Variants in RYR3 observed in about 807,000 individuals in gnomAD.
RYR3 encodes the protein ryanodine receptor 3.
In RYR3, 207 loss-of-function variants were observed where a neutral mutation model predicts 584.3. That is an observed-to-expected ratio of 0.35 (90% CI 0.32 to 0.40). The LOEUF (loss-of-function observed/expected upper bound fraction) is 0.40. Ranked by LOEUF, RYR3 falls within the 10% of genes least tolerant of loss-of-function variation. The pLI, the probability that RYR3 is intolerant of heterozygous loss-of-function variation, is 1.00. For synonymous variants in RYR3, 2,416 were observed against 2,248.5 expected, an observed-to-expected ratio of 1.07 and a Z score of -2.11; for missense variants, 5,616 against 6,089.2, an observed-to-expected ratio of 0.92 and a Z score of 2.59.
chr15:33,860,496 C>CTTT, intron 100 of RYR3, 99 bp from the exon 101 acceptor site: 13 of 554,170 alleles, frequency 2.3e-5, no homozygotes, highest in East Asian at 3.6e-5. Context: ...TGATAATTCA[C>CTTT]TTTTTTTTTT....
intron 1 of RYR3, among the ~76,000 whole-genome samples, chr15:33,354,948 C>A (rs766173827): frequency 6.6e-6 from 1 of 152,124 alleles, no homozygotes; most frequent in Non-Finnish European, 1.5e-5. Flanking sequence ...CTTTGGGAGG[C>A]CGAGGCGGGC....
At chr15:33,660,582 T>C (rs1002633427) in intron 34 of RYR3, among the ~76,000 whole-genome samples, 159 bp downstream of exon 34, 2 of 152,228 alleles carry the variant, frequency 1.3e-5, no homozygotes, top group Non-Finnish European at 2.9e-5. Flanking sequence ...CTTCCCACTT[T>C]CATTACTCAG....
At chr15:33,730,759 C>G (rs10519865) in intron 47 of RYR3, among the ~76,000 whole-genome samples, 19,073 of 152,128 alleles carry the variant, frequency 0.13, 1,313 homozygotes, top group East Asian at 0.29. Context: ...TCCTTGTATT[C>G]CATTCATCCG....
chr15:33,312,894 G>A (rs1010336286), intron 1 of RYR3, among the ~76,000 whole-genome samples: 1 of 152,180 alleles, frequency 6.6e-6, no homozygotes, highest in Admixed American at 6.5e-5. Flanking sequence ...TACACCTGTA[G>A]CCAAGGTTTA....
At chr15:33,465,796 G>A (rs1428231697) in intron 1 of RYR3, 1 of 518,864 alleles carries the variant, frequency 1.9e-6, no homozygotes, top group Non-Finnish European at 3.8e-6. Flanking sequence ...TATTTAGAAA[G>A]TAGAATGAGA....
In RYR3 at chr15:33,488,057, C is replaced by T. The variant is rs193290515; in HGVS notation, c.171+14519C>T. ...CCCATAGTAGAAAAGAAAAAAACAT[C>T]CACCTTTTAACTCTGAGATCTCTCC... On this transcript the variant is annotated intron_variant, in intron 2 of 103. Coordinates refer to ENST00000634891, the MANE Select transcript of RYR3 (RefSeq NM_001036.6). 3.3e-5 allele frequency among the ~76,000 whole-genome samples: 5 copies of T among 152,274 alleles called. No individual in the cohort carries two copies. The East Asian group carries it at 9.6e-4, about 29-fold the overall frequency.
chr15:33,853,168 T>C (rs544977995), intron 95 of RYR3, 81 bp downstream of exon 95: 109 of 1,150,996 alleles, frequency 9.5e-5, no homozygotes, highest in Middle Eastern at 4.1e-4. Context: ...CATACAAACA[T>C]GAGTAAATGT....
chr15:33,771,661 G>A (rs73381181), intron 62 of RYR3, among the ~76,000 whole-genome samples: 4,296 of 152,260 alleles, frequency 0.028, 211 homozygotes, highest in African/African-American at 0.097. Flanking sequence ...ACCAATATTG[G>A]CTTCATTCTA....
intron 27 of RYR3, among the ~76,000 whole-genome samples, chr15:33,636,840 C>T (rs971375372): frequency 5.9e-5 from 9 of 152,162 alleles, no homozygotes; most frequent in Admixed American, 4.6e-4. Flanking sequence ...CCAGGTTTCC[C>T]AGTATTACAA....
At chr15:33,757,342 G>A in intron 59 of RYR3, 133 bp from the exon 60 acceptor site, 1 of 949,044 alleles carries the variant, frequency 1.1e-6, no homozygotes, top group Non-Finnish European at 1.6e-6. Flanking sequence ...GGGACCAAAG[G>A]GGTAGAATTT....
At chr15:33,532,275 A>G (rs2054945696) in intron 4 of RYR3, among the ~76,000 whole-genome samples, 1 of 152,204 alleles carries the variant, frequency 6.6e-6, no homozygotes, top group African/African-American at 2.4e-5. Context: ...AGTCATTTCT[A>G]AGTTTTACCT....
chr15:33,676,131 G>A (rs183645796), intron 38 of RYR3, among the ~76,000 whole-genome samples: 1 of 152,116 alleles, frequency 6.6e-6, no homozygotes, highest in Non-Finnish European at 1.5e-5. Context: ...TCTCAAGAGT[G>A]AGAGAGATTG....
At chr15:33,826,642 C>G (rs757987771) in intron 83 of RYR3, 30 bp from the exon 84 acceptor site, 1 of 1,565,458 alleles carries the variant, frequency 6.4e-7, no homozygotes, top group Admixed American at 1.7e-5. Context: ...GAAGCCAAAC[C>G]AATGCTCATC....
chr15:33,494,360 C>T (rs976001418), intron 2 of RYR3, among the ~76,000 whole-genome samples: 4 of 152,120 alleles, frequency 2.6e-5, no homozygotes, highest in African/African-American at 4.8e-5. Context: ...CAACATTTTC[C>T]TTCTTAATAT....
At chr15:33,389,241 T>C (rs2041837421) in intron 1 of RYR3, among the ~76,000 whole-genome samples, 1 of 152,004 alleles carries the variant, frequency 6.6e-6, no homozygotes, top group Non-Finnish European at 1.5e-5. Flanking sequence ...AAAAAATTCA[T>C]CATAGATGGA....
intron 66 of RYR3, among the ~76,000 whole-genome samples, chr15:33,787,300 C>T (rs896074335): frequency 2.6e-5 from 4 of 152,206 alleles, no homozygotes; most frequent in African/African-American, 9.6e-5. Context: ...GTCACAACTT[C>T]TTGGTGAATG....
chr15:33,359,187 A>G (rs1041553935), intron 1 of RYR3, among the ~76,000 whole-genome samples: 1 of 152,212 alleles, frequency 6.6e-6, no homozygotes, highest in Non-Finnish European at 1.5e-5. Flanking sequence ...CACAGCAACC[A>G]ACATGATACT....
chr15:33,760,148 G>A (rs1294710714), intron 60 of RYR3, among the ~76,000 whole-genome samples: 1 of 152,124 alleles, frequency 6.6e-6, no homozygotes, highest in Non-Finnish European at 1.5e-5. Context: ...AGTAAATATG[G>A]AAAGGAAAAA....
chr15:33,581,480 T>C, intron 13 of RYR3, 28 bp from the exon 14 acceptor site: 1 of 1,610,242 alleles, frequency 6.2e-7, no homozygotes, highest in Non-Finnish European at 8.5e-7. Flanking sequence ...TCAGCAATGT[T>C]TACATTTTCC....
Sources: gnomAD v4.1 joint callset for allele counts (sites outside exome capture counted in the v4.1 genomes callset) on GRCh38, gnomAD v4.1.1 for gene constraint, MANE v1.5 for transcripts, NCBI Gene and HGNC (gene_info 2026-07-23, HGNC 2026-07-21) for gene names.